C10orf67: variants seen among roughly 807,000 people sequenced by gnomAD.
C10orf67 encodes uncharacterized protein C10orf67, mitochondrial.
Under a neutral mutation model 35.6 loss-of-function variants are expected in C10orf67, and 60 were observed. The observed-to-expected ratio is 1.68, with a 90% CI of 1.37 to 2.09. The LOEUF (loss-of-function observed/expected upper bound fraction) is 2.09, where lower values mean the gene tolerates loss of function less well. Among genes scored for constraint, C10orf67 ranks in the 30% most tolerant of loss-of-function variants. C10orf67 has a pLI of 0.00. For missense variants in C10orf67, 474 were observed against 330.2 expected, an observed-to-expected ratio of 1.44 and a Z score of -3.38; for synonymous variants, 167 against 115.8, an observed-to-expected ratio of 1.44 and a Z score of -2.84.
chr10:23,256,667 T>TG (rs1322754115), intron 10 of C10orf67, among the ~76,000 whole-genome samples: 1 of 151,588 alleles, frequency 6.6e-6, no homozygotes, highest in Non-Finnish European at 1.5e-5. Flanking sequence ...AAGTGGAGCT[T>TG]GCACTCACTC....
At chr10:23,247,477 A>G (rs1168867841) in intron 12 of C10orf67, among the ~76,000 whole-genome samples, 2 of 152,194 alleles carry the variant, frequency 1.3e-5, no homozygotes, top group Non-Finnish European at 2.9e-5. Flanking sequence ...GTGGTAGGCT[A>G]TGCCATCTAG....
At chr10:23,322,666 A>G in intron 2 of C10orf67, 129 bp from the exon 3 acceptor site, 1 of 596,070 alleles carries the variant, frequency 1.7e-6, no homozygotes, top group Admixed American at 3.1e-5. Context: ...AGCAACACAC[A>G]CTGGGGCCTA....
chr10:23,229,085 T>C (rs1841833123), intron 13 of C10orf67, among the ~76,000 whole-genome samples: 1 of 152,120 alleles, frequency 6.6e-6, no homozygotes, highest in South Asian at 2.1e-4. Flanking sequence ...CATTACTGGC[T>C]ATATACCCAA....
chr10:23,239,578 T>C (rs142358959), intron 13 of C10orf67, 151 bp downstream of exon 13: 3 of 454,774 alleles, frequency 6.6e-6, no homozygotes, highest in African/African-American at 3.9e-5. Context: ...AGGCACTTTG[T>C]CTTAACACCC....
intron 10 of C10orf67, among the ~76,000 whole-genome samples, chr10:23,257,912 C>G (rs1006952630): frequency 6.6e-6 from 1 of 151,876 alleles, no homozygotes; most frequent in African/African-American, 2.4e-5. Flanking sequence ...TCATACACAT[C>G]CCCCCCACAC....
chr10:23,344,433 C>G, intron 1 of C10orf67, 136 bp downstream of exon 1: 1 of 890,216 alleles, frequency 1.1e-6, no homozygotes, highest in South Asian at 1.6e-5. Flanking sequence ...GGCTTCCCCA[C>G]AAGACTCCCA....
intron 4 of C10orf67, among the ~76,000 whole-genome samples, chr10:23,316,473 G>A (rs1002834468): frequency 1.8e-4 from 27 of 152,216 alleles, no homozygotes; most frequent in African/African-American, 5.5e-4. Context: ...TGTGGTGAGC[G>A]AGGGGTGTGT....
At chr10:23,268,647 T>C (rs1424079619) in intron 8 of C10orf67, among the ~76,000 whole-genome samples, 2 of 152,202 alleles carry the variant, frequency 1.3e-5, no homozygotes, top group Non-Finnish European at 2.9e-5. Flanking sequence ...TTCAATGGGT[T>C]TGAACTCAAG....
chr10:23,273,074 A>G (rs1484528756), intron 8 of C10orf67, among the ~76,000 whole-genome samples: 4 of 152,118 alleles, frequency 2.6e-5, no homozygotes, highest in African/African-American at 9.7e-5. Flanking sequence ...TCTAGTAGCT[A>G]TTTTTGTAGA....
chr10:23,216,491 G>C (rs975134384), intron 15 of C10orf67, among the ~76,000 whole-genome samples: 3 of 151,912 alleles, frequency 2.0e-5, no homozygotes, highest in Non-Finnish European at 2.9e-5. Flanking sequence ...TCCTCTTCTA[G>C]GTATTTAGTA....
In C10orf67 at chr10:23,322,425, C is replaced by G; in HGVS notation, c.440G>C (p.Arg147Thr). ...SLSLFTILHD[R>T]ILEIEKHYQQ... is the part of the protein sequence containing the mutation. Reference sequence around the variant, plus strand: ...ATAATGCTTTTCAATTTCTAGGATCCTGTCATGCAGAATGGTGAAGAGACT... The same window carrying G: ...ATAATGCTTTTCAATTTCTAGGATCGTGTCATGCAGAATGGTGAAGAGACT... Residue 147 changes from arginine (R) to threonine (T), a missense_variant, in exon 3 of 16, where the codon AGG (arginine) becomes ACG (threonine). Arg to Thr is a moderately conservative substitution (Grantham distance 71). Coordinates refer to ENST00000636213, the MANE Select transcript of C10orf67 (RefSeq NM_001371909.1). The G allele has an allele frequency of 6.2e-7, 1 of 1,609,020 alleles. No individual in the cohort carries two copies. The highest frequency in any genetic ancestry group is 8.5e-7 in the Non-Finnish European group (1 of 1,175,708).
Position 23,211,480 on chromosome 10 carries a change from G to GTGTGT in C10orf67, c.1571-7226_1571-7225insACACA, listed in dbSNP as rs1193681718. Among the ~76,000 whole-genome samples, 982 of 117,476 alleles carry GTGTGT rather than the reference G, an allele frequency of 8.4e-3. 11 individuals carry two copies. Among genetic ancestry groups the GTGTGT allele is most frequent in the African/African-American group, 0.031 (811 of 25,814 alleles). 77.1% of individuals were successfully genotyped at this position (117,476 alleles called of 152,430 possible). ...CGGTGTGTGTGTGTGTGTGTGTGTGGGGGGGGGGGGTATCACAATTCAACC... is the reference window on the plus strand; with the variant it reads ...CGGTGTGTGTGTGTGTGTGTGTGTGGTGTGTGGGGGGGGGGTATCACAATTCAACC... On this transcript the variant is annotated intron_variant, in intron 15 of 15. Transcript: ENST00000636213.
intron 4 of C10orf67, among the ~76,000 whole-genome samples, chr10:23,312,450 C>T (rs1844533920): frequency 6.6e-6 from 1 of 152,138 alleles, no homozygotes; most frequent in Non-Finnish European, 1.5e-5. Context: ...GCAGGTCCTT[C>T]TTCCATTTTC....
chr10:23,293,018 A>C (rs1433494671), intron 5 of C10orf67, among the ~76,000 whole-genome samples: 1 of 151,948 alleles, frequency 6.6e-6, no homozygotes, highest in African/African-American at 2.4e-5. Flanking sequence ...GTGTGTGTGG[A>C]AAGAAATAAA....
At chr10:23,279,783 C>T (rs1467820129) in intron 8 of C10orf67, among the ~76,000 whole-genome samples, 1 of 151,342 alleles carries the variant, frequency 6.6e-6, no homozygotes, top group Non-Finnish European at 1.5e-5. Context: ...CATTGCTTAC[C>T]TAACATATAT....
intron 12 of C10orf67, among the ~76,000 whole-genome samples, chr10:23,240,169 C>T (rs1319250): frequency 0.4 from 60,036 of 151,924 alleles, 15,103 homozygotes; most frequent in East Asian, 0.74. Context: ...CCAGCCTGGA[C>T]GACAGAGTGA....
chr10:23,238,187 T>C (rs778858612), intron 13 of C10orf67, among the ~76,000 whole-genome samples: 2 of 152,208 alleles, frequency 1.3e-5, no homozygotes, highest in African/African-American at 2.4e-5. Flanking sequence ...TTGGTACGTA[T>C]GTGTACTCAA....
chr10:23,241,886 C>A (rs1442430542), intron 12 of C10orf67, among the ~76,000 whole-genome samples: 1 of 150,748 alleles, frequency 6.6e-6, no homozygotes, highest in African/African-American at 2.5e-5. Context: ...ATTTAAAGTA[C>A]CTAGACATGA....
chr10:23,263,926 A>G (rs1842819277), intron 10 of C10orf67, among the ~76,000 whole-genome samples: 3 of 152,218 alleles, frequency 2.0e-5, no homozygotes, highest in Non-Finnish European at 4.4e-5. Flanking sequence ...TATTTTTCAG[A>G]CTGGCTAAAC....
Sources: allele counts gnomAD v4.1 joint callset (sites outside exome capture counted in the v4.1 genomes callset), GRCh38; gene constraint gnomAD v4.1.1; transcripts MANE v1.5; gene names NCBI Gene and HGNC (gene_info 2026-07-23, HGNC 2026-07-21).